Variants in RFX7 observed in about 807,000 individuals in gnomAD.
The protein encoded by RFX7 is DNA-binding protein RFX7.
Under a neutral mutation model 111.8 loss-of-function variants are expected in RFX7, and 26 were observed. The ratio of observed to expected loss-of-function variants is 0.23; its 90% CI spans 0.17 to 0.32. The LOEUF (loss-of-function observed/expected upper bound fraction) is 0.32. Among genes scored for constraint, RFX7 ranks in the 10% least tolerant of loss-of-function variants. RFX7 has a pLI of 1.00. For synonymous variants in RFX7, 624 were observed against 624.4 expected (o/e 1.00, Z 0.01); for missense variants, 1,573 against 1,772.9 (o/e 0.89, Z 2.02).
chr15:56,244,419 C>T (rs1466264612), upstream of RFX7: 2 of 152,210 alleles, frequency 1.3e-5, no homozygotes, highest in African/African-American at 4.8e-5. Context: ...CATTCAAAGC[C>T]CTCCAAATCT....
chr15:56,241,180 T>C (rs115788984), intron 2 of RFX7, among the ~76,000 whole-genome samples: 1,594 of 152,266 alleles, frequency 0.01, 32 homozygotes, highest in African/African-American at 0.037. Flanking sequence ...CTGCCCATTA[T>C]TTTTTCAGAG....
intron 2 of RFX7, among the ~76,000 whole-genome samples, chr15:56,210,175 G>A (rs1049071932): frequency 6.6e-6 from 1 of 152,012 alleles, no homozygotes; most frequent in African/African-American, 2.4e-5. Context: ...AAGAAAGTAG[G>A]AGTTAACATA....
At chr15:56,236,204 G>T (rs948337521) in intron 2 of RFX7, among the ~76,000 whole-genome samples, 1 of 152,116 alleles carries the variant, frequency 6.6e-6, no homozygotes, top group African/African-American at 2.4e-5. Flanking sequence ...GAGGCATACA[G>T]TTAGTGAAAT....
intron 2 of RFX7, among the ~76,000 whole-genome samples, chr15:56,223,850 A>T (rs906811849): frequency 5.3e-5 from 8 of 152,170 alleles, no homozygotes; most frequent in Admixed American, 3.3e-4. Context: ...GAAAACCCAC[A>T]TATCAGTGGA....
intron 5 of RFX7, among the ~76,000 whole-genome samples, chr15:56,117,368 T>C (rs940187036): frequency 2.0e-5 from 3 of 152,040 alleles, no homozygotes; most frequent in Non-Finnish European, 2.9e-5. Flanking sequence ...GAACAAAAAC[T>C]GAGAAGAGCA....
chr15:56,093,726 T>C lies in RFX7; in HGVS notation c.4002A>G (p.Gln1334=). 1 of 1,613,836 alleles carries C rather than the reference T, an allele frequency of 6.2e-7. No homozygotes were observed. The highest frequency in any genetic ancestry group is 8.5e-7 in the Non-Finnish European group (1 of 1,179,730). The change falls in exon 10 of 10, where the codon CAA becomes CAG. Residue 1334 remains glutamine, a synonymous_variant. Coordinates refer to ENST00000559447, the MANE Select transcript of RFX7 (RefSeq NM_022841.7). ...GTTGCTCTCCAATTTCTGATTGTGC[T>C]TGATTATCTCCAGGAGAAAAATTGA... ...GQINFSPGDN[Q]AQSEIGEQQL...
intron 2 of RFX7, among the ~76,000 whole-genome samples, chr15:56,229,332 C>G (rs552103529): frequency 6.6e-6 from 1 of 152,132 alleles, no homozygotes; most frequent in Non-Finnish European, 1.5e-5. Flanking sequence ...GTGGCAGGAT[C>G]TCGGCTCACT....
intron 3 of RFX7, among the ~76,000 whole-genome samples, chr15:56,152,871 AG>A (rs2042593893): frequency 6.6e-6 from 1 of 152,130 alleles, no homozygotes; most frequent in African/African-American, 2.4e-5. Flanking sequence ...AAAATGATAT[AG>A]GGGATATCAC....
chr15:56,180,319 A>G (rs1175138290), intron 2 of RFX7, among the ~76,000 whole-genome samples: 1 of 152,202 alleles, frequency 6.6e-6, no homozygotes, highest in Non-Finnish European at 1.5e-5. Flanking sequence ...ATATGACTGG[A>G]TTCAGTTTAA....
chr15:56,217,625 A>G (rs186493870), intron 2 of RFX7, among the ~76,000 whole-genome samples: 2 of 152,208 alleles, frequency 1.3e-5, no homozygotes, highest in East Asian at 1.9e-4. Flanking sequence ...CTTTTCCACT[A>G]AATGTTTTAA....
chr15:56,218,566 G>A (rs1332504141), intron 2 of RFX7, among the ~76,000 whole-genome samples: 2 of 152,196 alleles, frequency 1.3e-5, no homozygotes, highest in East Asian at 3.9e-4. Flanking sequence ...CAGATACAGA[G>A]GGACTGCTCG....
At chr15:56,183,799 T>A (rs75715246) in intron 2 of RFX7, among the ~76,000 whole-genome samples, 111 of 151,836 alleles carry the variant, frequency 7.3e-4, no homozygotes, top group Non-Finnish European at 1.3e-3. Context: ...ATGTTATAGG[T>A]TGAATGGGAG....
intron 2 of RFX7, among the ~76,000 whole-genome samples, chr15:56,185,256 C>G (rs1252489939): frequency 6.6e-6 from 1 of 151,966 alleles, no homozygotes; most frequent in Admixed American, 6.6e-5. Context: ...TACTACTCAC[C>G]AATTATTTTT....
chr15:56,209,322 C>A (rs2043287746), intron 2 of RFX7, among the ~76,000 whole-genome samples: 2 of 150,270 alleles, frequency 1.3e-5, no homozygotes, highest in South Asian at 4.2e-4. Flanking sequence ...AATACTAACA[C>A]CTGCAAAATG....
intron 2 of RFX7, among the ~76,000 whole-genome samples, chr15:56,206,870 T>C (rs757967163): frequency 6.7e-6 from 1 of 148,814 alleles, no homozygotes; most frequent in Non-Finnish European, 1.5e-5. Flanking sequence ...AAGGTTGGGG[T>C]TGGGGGTGGG....
chr15:56,212,202 G>A (rs569642068), intron 2 of RFX7, among the ~76,000 whole-genome samples: 1 of 152,052 alleles, frequency 6.6e-6, no homozygotes, highest in Non-Finnish European at 1.5e-5. Flanking sequence ...GACATGAAAA[G>A]ACATCAAAGA....
upstream of RFX7, among the ~76,000 whole-genome samples, chr15:56,244,941 A>G (rs1243626001): frequency 4.6e-5 from 7 of 152,100 alleles, no homozygotes; most frequent in South Asian, 4.1e-4. Flanking sequence ...GATGTAGAAT[A>G]CAACAGCCAA....
Position 56,095,807 on chromosome 15 carries a change from T to G in RFX7, c.1921A>C (p.Asn641His). The G allele has an allele frequency of 6.2e-7, 1 of 1,612,114 alleles. No individual in the cohort carries two copies. The highest frequency in any genetic ancestry group is 8.5e-7 in the Non-Finnish European group (1 of 1,179,750). ...LTFTSSSSPP[N>H]GDSINKDPKL... Reference sequence around the variant, plus strand: ...GGGTCTTTATTGATTGAGTCACCATTAGGTGGTGAGCTGCTGCTGGTGAAA... The same window carrying G: ...GGGTCTTTATTGATTGAGTCACCATGAGGTGGTGAGCTGCTGCTGGTGAAA... Residue 641 changes from asparagine to histidine, a missense_variant, in exon 10 of 10, where the codon AAT becomes CAT. Transcript: ENST00000559447.
intron 2 of RFX7, chr15:56,192,776 G>T: frequency 4.5e-6 from 1 of 224,384 alleles, no homozygotes; most frequent in South Asian, 7.7e-5. Context: ...GCACTGGGTT[G>T]AGTAAATGGA....
Sources: allele counts gnomAD v4.1 joint callset (sites outside exome capture counted in the v4.1 genomes callset), GRCh38; gene constraint gnomAD v4.1.1; transcripts MANE v1.5; gene names NCBI Gene and HGNC (gene_info 2026-07-23, HGNC 2026-07-21).